Variants in GPR158 observed in about 807,000 individuals in gnomAD.
The protein encoded by GPR158 is metabotropic glycine receptor.
Under a neutral mutation model 78.2 loss-of-function variants are expected in GPR158, and 30 were observed. The observed-to-expected ratio is 0.38, with a 90% CI of 0.29 to 0.52. GPR158 has a LOEUF of 0.52. Among genes scored for constraint, GPR158 ranks in the 20% least tolerant of loss-of-function variants. GPR158 has a pLI of 0.83. For missense variants in GPR158, 1,463 were observed against 1,523.5 expected, an observed-to-expected ratio of 0.96 and a Z score of 0.66; for synonymous variants, 581 against 591.1, an observed-to-expected ratio of 0.98 and a Z score of 0.25.
At chr10:25,373,181 C>G (rs1834025977) in intron 2 of GPR158, among the ~76,000 whole-genome samples, 1 of 151,784 alleles carries the variant, frequency 6.6e-6, no homozygotes, top group Non-Finnish European at 1.5e-5. Context: ...TTATCCCTAG[C>G]AAAATAACAC....
chr10:25,379,011 A>G (rs1773626), intron 2 of GPR158, among the ~76,000 whole-genome samples: 121,992 of 152,016 alleles, frequency 0.8, 49,931 homozygotes, highest in Non-Finnish European at 0.86. Context: ...GGCTGGTCTC[A>G]AAGTCCAGAG....
intron 2 of GPR158, among the ~76,000 whole-genome samples, chr10:25,310,977 C>A (rs58903396): frequency 0.2 from 30,757 of 151,806 alleles, 5,257 homozygotes; most frequent in African/African-American, 0.47. Flanking sequence ...TTCTTTTAGC[C>A]CCAGTAATCT....
At chr10:25,580,900 A>AT (rs1452302358) in intron 7 of GPR158, among the ~76,000 whole-genome samples, 3 of 138,438 alleles carry the variant, frequency 2.2e-5, no homozygotes, top group South Asian at 2.3e-4. Context: ...TAATTTTTTT[A>AT]TTTTTTTATT....
intron 2 of GPR158, among the ~76,000 whole-genome samples, chr10:25,235,259 C>T (rs1432141335): frequency 1.3e-5 from 2 of 152,140 alleles, no homozygotes; most frequent in Non-Finnish European, 2.9e-5. Flanking sequence ...CTACATTAGC[C>T]ACTTGTGATA....
rs11014512 is a variant in GPR158, at chr10:25,368,439, C to G, written c.1009-27472C>G. 2.6e-5 allele frequency among the ~76,000 whole-genome samples: 4 copies of G among 151,932 alleles called. No individual in the cohort carries two copies. In the East Asian group the frequency reaches 7.8e-4, roughly 30 times the overall value. The stretch of plus-strand genomic sequence containing the variant: ...AGTGGGCCAAAGACATGAATAAACA[C>G]TTTTCAAAAGAAGACATACATATGG... On this transcript the variant is annotated intron_variant, in intron 2 of 10. Transcript: ENST00000376351.
chr10:25,406,166 G>A (rs900957471), intron 3 of GPR158, among the ~76,000 whole-genome samples: 1 of 152,112 alleles, frequency 6.6e-6, no homozygotes, highest in African/African-American at 2.4e-5. Flanking sequence ...TCTGCCTCAG[G>A]GCTGTCTCTG....
At chr10:25,179,684 A>G (rs1284362496) in intron 1 of GPR158, among the ~76,000 whole-genome samples, 1 of 152,122 alleles carries the variant, frequency 6.6e-6, no homozygotes, top group Non-Finnish European at 1.5e-5. Context: ...ATGGGAAGAG[A>G]AGTTTATTGC....
intron 4 of GPR158, among the ~76,000 whole-genome samples, chr10:25,425,907 G>A (rs1055977143): frequency 2.6e-5 from 4 of 152,036 alleles, no homozygotes; most frequent in Non-Finnish European, 5.9e-5. Context: ...CACTCCTTCA[G>A]CTTTCAGCAG....
chr10:25,377,597 T>C (rs1245445812), intron 2 of GPR158, among the ~76,000 whole-genome samples: 1 of 152,060 alleles, frequency 6.6e-6, no homozygotes, highest in Non-Finnish European at 1.5e-5. Context: ...GATTTGCCTA[T>C]TCTGGACATT....
At chr10:25,513,904 T>C (rs1836123614) in intron 5 of GPR158, among the ~76,000 whole-genome samples, 1 of 152,164 alleles carries the variant, frequency 6.6e-6, no homozygotes, top group East Asian at 1.9e-4. Context: ...ATATCAATTG[T>C]TTTAAATTTA....
At chr10:25,273,400 C>CTT (rs36068886) in intron 2 of GPR158, among the ~76,000 whole-genome samples, 4,898 of 121,960 alleles carry the variant, frequency 0.04, 164 homozygotes, top group Middle Eastern at 0.057. Flanking sequence ...ACATTGGCAT[C>CTT]TTTTTTTTTT....
At chr10:25,398,706 G>A (rs1834400571) in intron 3 of GPR158, among the ~76,000 whole-genome samples, 1 of 152,178 alleles carries the variant, frequency 6.6e-6, no homozygotes, top group Non-Finnish European at 1.5e-5. Flanking sequence ...GCTTCTCTGT[G>A]TAAGTCTAAC....
chr10:25,577,330 G>A (rs1837116175), intron 7 of GPR158, among the ~76,000 whole-genome samples: 2 of 152,178 alleles, frequency 1.3e-5, no homozygotes, highest in Admixed American at 1.3e-4. Context: ...CATATAGGAA[G>A]GGACTGTAGA....
intron 5 of GPR158, 33 bp downstream of exon 5, chr10:25,466,752 AT>A: frequency 8.0e-7 from 1 of 1,242,730 alleles, no homozygotes; most frequent in Non-Finnish European, 1.2e-6. Flanking sequence ...TAAAGTAGAA[AT>A]TTATTTTATG....
Position 25,472,382 on chromosome 10 carries a change from G to A in GPR158, c.1404+5663G>A, listed in dbSNP as rs1280533110. On this transcript the variant is annotated intron_variant, in intron 5 of 10. Coordinates refer to ENST00000376351, the MANE Select transcript of GPR158 (RefSeq NM_020752.3). ...TTACTGTAGCCTTGTAGTATAGTTT[G>A]AAGTCAGGTAGTGTGATGCCTCCAG... 2.6e-5 allele frequency among the ~76,000 whole-genome samples: 4 copies of A among 152,324 alleles called. No individual in the cohort carries two copies. In the South Asian group the frequency reaches 6.2e-4, roughly 24 times the overall value.
At chr10:25,230,923 G>A (rs1040269846) in intron 2 of GPR158, among the ~76,000 whole-genome samples, 2 of 152,064 alleles carry the variant, frequency 1.3e-5, no homozygotes, top group African/African-American at 2.4e-5. Flanking sequence ...AACTGCATGC[G>A]ATATTGGCTA....
intron 2 of GPR158, among the ~76,000 whole-genome samples, chr10:25,285,317 G>C (rs958720260): frequency 1.3e-5 from 2 of 151,220 alleles, no homozygotes; most frequent in Non-Finnish European, 2.9e-5. Context: ...GTATGTGTCT[G>C]TCTGTCATCT....
rs184849137 is a variant in GPR158, at chr10:25,316,526, A to G, written c.1009-79385A>G. On this transcript the variant is annotated intron_variant, in intron 2 of 10. Transcript: ENST00000376351. ...GTGTGAGCTTATTGAGCACTGTACAATTTCTCACACCTTAGAATCAAATTG... is the reference window on the plus strand; with the variant it reads ...GTGTGAGCTTATTGAGCACTGTACAGTTTCTCACACCTTAGAATCAAATTG... 3.3e-3 allele frequency among the ~76,000 whole-genome samples: 498 copies of G among 152,282 alleles called. 2 individuals are homozygous for G. The highest frequency in any genetic ancestry group is 0.011 in the African/African-American group (457 of 41,560).
In GPR158 at chr10:25,457,642, A is replaced by G. The variant is rs1449121694; in HGVS notation, c.1336-9009A>G. The stretch of plus-strand genomic sequence containing the variant: ...TCCATATGTTAGGAATGTATTTGAA[A>G]GGCTTCTTAGCCAGAAAAGGGGTCT... On this transcript the variant is annotated intron_variant, in intron 4 of 10. Transcript: ENST00000376351. Among the ~76,000 whole-genome samples the G allele has an allele frequency of 2.0e-5, 3 of 152,216 alleles. No individual in the cohort carries two copies. The East Asian group carries it at 5.8e-4, about 29-fold the overall frequency.
Sources: gnomAD v4.1 joint callset for allele counts (sites outside exome capture counted in the v4.1 genomes callset) on GRCh38, gnomAD v4.1.1 for gene constraint, MANE v1.5 for transcripts, NCBI Gene and HGNC (gene_info 2026-07-23, HGNC 2026-07-21) for gene names.